The following SIPA1L1 variants were observed in gnomAD, a reference collection of about 807,000 sequenced individuals.
SIPA1L1 encodes the protein signal-induced proliferation-associated 1-like protein 1.
In SIPA1L1, 26 loss-of-function variants were observed where a neutral mutation model predicts 162.7. That is an observed-to-expected ratio of 0.16 (90% CI 0.12 to 0.22). The LOEUF (loss-of-function observed/expected upper bound fraction) is 0.22, where lower values mean the gene tolerates loss of function less well. Among genes scored for constraint, SIPA1L1 ranks in the 10% least tolerant of loss-of-function variants. The pLI is 1.00. For missense variants in SIPA1L1, 1,874 were observed against 2,241.0 expected (o/e 0.84, Z 3.31); for synonymous variants, 829 against 837.4 (o/e 0.99, Z 0.17).
intron 2 of SIPA1L1, among the ~76,000 whole-genome samples, chr14:71,359,570 A>C (rs2037601992): frequency 6.6e-6 from 1 of 152,212 alleles, no homozygotes; most frequent in Admixed American, 6.5e-5. Context: ...ATAGTAGATA[A>C]TAAATGTGTT....
intron 4 of SIPA1L1, among the ~76,000 whole-genome samples, chr14:71,572,195 G>A (rs1393030649): frequency 6.6e-6 from 1 of 152,174 alleles, no homozygotes; most frequent in Non-Finnish European, 1.5e-5. Context: ...ACTGGATTAA[G>A]CATTCACAAG....
chr14:71,490,588 C>A (rs2049164077), intron 2 of SIPA1L1, among the ~76,000 whole-genome samples: 1 of 152,122 alleles, frequency 6.6e-6, no homozygotes, highest in South Asian at 2.1e-4. Flanking sequence ...GTGTTTCCAA[C>A]AGAGGACCTC....
intron 2 of SIPA1L1, among the ~76,000 whole-genome samples, chr14:71,419,412 G>A (rs2043017043): frequency 6.7e-6 from 1 of 148,574 alleles, no homozygotes; most frequent in African/African-American, 2.5e-5. Context: ...TGAAATGAAA[G>A]CTTTTGGGCC....
rs113068860 is a variant in SIPA1L1, at chr14:71,386,975, G to T, written c.-465+65794G>T. ...ATTAAAAGAAAGACTGTGGCCGGGC[G>T]CAGTGGCTCACGCCTGTAATCCCAG... On this transcript the variant is annotated intron_variant, in intron 2 of 23. Transcript: ENST00000381232. Among the ~76,000 whole-genome samples the T allele has an allele frequency of 1.8e-3, 278 of 152,246 alleles. 1 individual carries two copies. The highest frequency in any genetic ancestry group is 3.0e-3 in the Non-Finnish European group (205 of 68,010).
chr14:71,440,030 T>C (rs963687506), intron 2 of SIPA1L1, among the ~76,000 whole-genome samples: 1 of 152,188 alleles, frequency 6.6e-6, no homozygotes, highest in Non-Finnish European at 1.5e-5. Flanking sequence ...CTTCTGAACT[T>C]ATTTTTTGTT....
chr14:71,672,724 A>G (rs2044660528), intron 12 of SIPA1L1, 102 bp downstream of exon 12: 16 of 1,218,160 alleles, frequency 1.3e-5, no homozygotes, highest in Non-Finnish European at 1.7e-5. Context: ...GTTGTGAAGA[A>G]CAATAGGTTA....
rs544377500 is a variant in SIPA1L1, at chr14:71,529,319, C to T, written c.-354C>T. On this transcript the variant is annotated 5_prime_UTR_variant, in exon 4 of 24. Transcript: ENST00000381232. ...TTTCTAATTTTATTTCAGGTTATAC[C>T]TTATTGGTGTGGACGTTGTCTAAAT... 1.4e-5 allele frequency: 9 copies of T among 660,578 alleles called. No individual in the cohort carries two copies. The highest frequency in any genetic ancestry group is 2.4e-4 in the Middle Eastern group (1 of 4,170). 40.9% of individuals were successfully genotyped at this position (660,578 alleles called of 1,614,324 possible).
intron 2 of SIPA1L1, among the ~76,000 whole-genome samples, chr14:71,373,349 G>A (rs2039071443): frequency 6.6e-6 from 1 of 151,370 alleles, no homozygotes; most frequent in Admixed American, 6.6e-5. Flanking sequence ...TTGGACGGGT[G>A]TGGTAGCTCA....
At chr14:71,716,662 TGTGGC>T (rs1003146500) in intron 17 of SIPA1L1, among the ~76,000 whole-genome samples, 23 of 152,220 alleles carry the variant, frequency 1.5e-4, no homozygotes, top group Non-Finnish European at 7.3e-5. Flanking sequence ...CCCAATCCTG[TGTGGC>T]TCATCGCTTG....
intron 2 of SIPA1L1, among the ~76,000 whole-genome samples, chr14:71,322,332 C>T (rs2033149960): frequency 6.6e-6 from 1 of 152,142 alleles, no homozygotes; most frequent in Non-Finnish European, 1.5e-5. Context: ...CTTTTGGAAA[C>T]GTGCAAGGTT....
At chr14:71,635,493 A>C (rs1026203567) in intron 7 of SIPA1L1, among the ~76,000 whole-genome samples, 3 of 152,232 alleles carry the variant, frequency 2.0e-5, no homozygotes, top group Admixed American at 6.5e-5. Flanking sequence ...AAGAGACTAA[A>C]GAGAGGTAAA....
Position 71,738,266 on chromosome 14 carries a change from G to A in SIPA1L1, c.5149G>A (p.Ala1717Thr). 1.9e-6 allele frequency: 3 copies of A among 1,613,176 alleles called. No homozygotes were observed. Among genetic ancestry groups the A allele is most frequent in the Non-Finnish European group, 2.5e-6 (3 of 1,179,530 alleles). ...SSSKDSSPTL[A>T]SKVDQLEGML... ...CAGTAAAGACTCCTCTCCCACTCTG[G>A]CTTCTAAAGTGGACCAGCTGGAAGG... The change falls in exon 23 of 24, where the codon GCT becomes ACT. Residue 1717 changes from alanine (A) to threonine (T), a missense_variant. This residue lies in a region of SIPA1L1 where 936 missense variants were observed against 1,051.9 expected (regional missense o/e 0.89). Transcript: ENST00000381232.
intron 2 of SIPA1L1, among the ~76,000 whole-genome samples, chr14:71,394,782 T>C (rs1036640407): frequency 6.6e-6 from 1 of 152,238 alleles, no homozygotes. Flanking sequence ...TAAGATAAAC[T>C]TAAGGTGACC....
intron 9 of SIPA1L1, among the ~76,000 whole-genome samples, chr14:71,660,866 CAT>C (rs1441986112): frequency 6.6e-6 from 1 of 152,204 alleles, no homozygotes; most frequent in Non-Finnish European, 1.5e-5. Context: ...TGACACAAAA[CAT>C]ATATCAGAAA....
chr14:71,640,040 ATT>A (rs1484485359), intron 7 of SIPA1L1, among the ~76,000 whole-genome samples: 2 of 152,066 alleles, frequency 1.3e-5, no homozygotes, highest in African/African-American at 4.8e-5. Context: ...AGTAGCTGGA[ATT>A]ACAGGTGCAT....
Position 71,390,034 on chromosome 14 carries a change from G to A in SIPA1L1, c.-465+68853G>A, listed in dbSNP as rs970243249. The stretch of plus-strand genomic sequence containing the variant: ...AGTAAATGCAATTTATGAAGACTGG[G>A]GTAGGATGATAATTTGTAATTTTCT... On this transcript the variant is annotated intron_variant, in intron 2 of 23. Coordinates refer to ENST00000381232, the MANE Select transcript of SIPA1L1 (RefSeq NM_001386936.1). Among the ~76,000 whole-genome samples the A allele has an allele frequency of 2.0e-5, 3 of 152,184 alleles. No homozygotes were observed. In the South Asian group the frequency reaches 6.2e-4, roughly 32 times the overall value.
chr14:71,646,822 T>A (rs1359468567), intron 7 of SIPA1L1, among the ~76,000 whole-genome samples: 2 of 152,172 alleles, frequency 1.3e-5, no homozygotes, highest in African/African-American at 4.8e-5. Flanking sequence ...TCATCATAAC[T>A]CTATTTTGAT....
At chr14:71,587,446 A>G (rs2034761595) in intron 4 of SIPA1L1, 125 bp from the exon 5 acceptor site, 1 of 395,862 alleles carries the variant, frequency 2.5e-6, no homozygotes, top group Non-Finnish European at 4.4e-6. Context: ...AAAAATACGG[A>G]TTGTGGAACT....
At chr14:71,466,568 T>C (rs546579732) in intron 2 of SIPA1L1, among the ~76,000 whole-genome samples, 3 of 144,272 alleles carry the variant, frequency 2.1e-5, no homozygotes, top group East Asian at 4.2e-4. Flanking sequence ...CAGGCATTAA[T>C]AGAGCCATAC....
Sources: gnomAD v4.1 joint callset for allele counts (sites outside exome capture counted in the v4.1 genomes callset) on GRCh38, gnomAD v4.1.1 for gene constraint, gnomAD v4.1.1 regional missense constraint, MANE v1.5 for transcripts, NCBI Gene and HGNC (gene_info 2026-07-23, HGNC 2026-07-21) for gene names.